The following DCC variants were observed in gnomAD, a reference collection of about 807,000 sequenced individuals.
DCC encodes the protein DCC netrin 1 receptor.
A neutral mutation model predicts 172.5 loss-of-function variants in DCC; 58 were observed. That is an observed-to-expected ratio of 0.34 (90% CI 0.27 to 0.42). DCC has a LOEUF of 0.42. Among genes scored for constraint, DCC ranks in the 10% least tolerant of loss-of-function variants. The pLI, the probability that DCC is intolerant of heterozygous loss-of-function variation, is 1.00. For missense variants in DCC, 1,740 were observed against 1,791.0 expected, an observed-to-expected ratio of 0.97 and a Z score of 0.51; for synonymous variants, 709 against 644.5, an observed-to-expected ratio of 1.10 and a Z score of -1.52.
intron 5 of DCC, among the ~76,000 whole-genome samples, chr18:52,998,071 T>C (rs1490755320): frequency 2.0e-5 from 3 of 151,982 alleles, no homozygotes; most frequent in Non-Finnish European, 4.4e-5. Context: ...GTAGCCGTTA[T>C]CTGCACATGG....
chr18:52,439,117 T>TAAACCAAAA (rs1271970532), intron 1 of DCC, among the ~76,000 whole-genome samples: 1 of 151,428 alleles, frequency 6.6e-6, no homozygotes, highest in Non-Finnish European at 1.5e-5. Context: ...TTTATGAAAG[T>TAAACCAAAA]GCAGCAGGAA....
chr18:52,520,994 T>A (rs1225438891), intron 1 of DCC, among the ~76,000 whole-genome samples: 1 of 152,174 alleles, frequency 6.6e-6, no homozygotes, highest in African/African-American at 2.4e-5. Context: ...TTAAGGGGAC[T>A]ATTGAAGAAA....
chr18:53,064,521 G>A (rs571840133), intron 6 of DCC, among the ~76,000 whole-genome samples: 2 of 152,182 alleles, frequency 1.3e-5, no homozygotes, highest in East Asian at 1.9e-4. Flanking sequence ...TCTCTCCATC[G>A]TATTACAATG....
intron 2 of DCC, among the ~76,000 whole-genome samples, chr18:52,764,438 T>C (rs2037212231): frequency 6.6e-6 from 1 of 152,334 alleles, no homozygotes; most frequent in Admixed American, 6.5e-5. Flanking sequence ...GGGAGGTGTT[T>C]GTGTTATGAC....
intron 1 of DCC, among the ~76,000 whole-genome samples, chr18:52,559,100 TTTTTGTTTTGTTTTG>T (rs375523084): frequency 6.6e-6 from 1 of 152,042 alleles, no homozygotes; most frequent in Non-Finnish European, 1.5e-5. Context: ...AAGACAGGTT[TTTTTGTTTTGTTTTG>T]TTTTGTTTTG....
intron 5 of DCC, among the ~76,000 whole-genome samples, chr18:53,023,871 T>C (rs2041919546): frequency 6.6e-6 from 1 of 152,170 alleles, no homozygotes; most frequent in Non-Finnish European, 1.5e-5. Flanking sequence ...CATGCTATCC[T>C]GCCTGCAGAT....
chr18:53,044,715 A>C (rs1196751045), intron 5 of DCC, among the ~76,000 whole-genome samples: 1 of 151,912 alleles, frequency 6.6e-6, no homozygotes, highest in Non-Finnish European at 1.5e-5. Context: ...ACAACTCCTT[A>C]AGTAACTCAT....
chr18:53,267,653 A>C (rs1352377654), intron 12 of DCC, among the ~76,000 whole-genome samples: 1 of 151,906 alleles, frequency 6.6e-6, no homozygotes, highest in East Asian at 1.9e-4. Flanking sequence ...TTTTGTACAG[A>C]CGGGGTCACA....
intron 1 of DCC, among the ~76,000 whole-genome samples, chr18:52,475,654 A>C (rs746547677): frequency 5.3e-5 from 8 of 152,162 alleles, no homozygotes; most frequent in Non-Finnish European, 1.0e-4. Context: ...GAAGTGATTG[A>C]TTCTCTGTCA....
chr18:53,303,581 C>T (rs1161431888), intron 12 of DCC, among the ~76,000 whole-genome samples: 6 of 152,188 alleles, frequency 3.9e-5, no homozygotes, highest in African/African-American at 9.6e-5. Context: ...ACTTGACCCC[C>T]CTTGCAGGAT....
At chr18:52,667,452 T>C (rs1039472938) in intron 1 of DCC, among the ~76,000 whole-genome samples, 5 of 152,248 alleles carry the variant, frequency 3.3e-5, no homozygotes, top group Admixed American at 1.3e-4. Flanking sequence ...CTTTGGCCTG[T>C]TGTAAGCCTG....
chr18:53,386,145 G>T lies in DCC; in HGVS notation c.2455+7G>T, dbSNP rs3764494. 1 of 1,554,928 alleles carries T rather than the reference G, an allele frequency of 6.4e-7. No individual in the cohort carries two copies. The highest frequency in any genetic ancestry group is 8.9e-7 in the Non-Finnish European group (1 of 1,126,322). On this transcript the variant is annotated splice_region_variant and intron_variant, in intron 16 of 28. Transcript: ENST00000442544. ...ACCACCAGGTCTATAACCGGTAAGT[G>T]AAATTGTTAATCTTCCTCTGACAAA...
At chr18:53,452,936 G>A (rs1433729363) in intron 23 of DCC, among the ~76,000 whole-genome samples, 9 of 146,184 alleles carry the variant, frequency 6.2e-5, no homozygotes, top group African/African-American at 2.3e-4. Flanking sequence ...TGTTTTTTGA[G>A]ATGGAGTCTC....
chr18:53,147,636 C>T, intron 7 of DCC, among the ~76,000 whole-genome samples: 1 of 152,188 alleles, frequency 6.6e-6, no homozygotes, highest in Non-Finnish European at 1.5e-5. Flanking sequence ...ACAGCCAGTA[C>T]ATTCTTGGCC....
intron 22 of DCC, among the ~76,000 whole-genome samples, chr18:53,450,153 ATACACACATACATATG>A (rs1220122191): frequency 6.6e-6 from 1 of 151,348 alleles, no homozygotes; most frequent in African/African-American, 2.4e-5. Flanking sequence ...ACACACACAC[ATACACACATACATATG>A]CATACATACA....
chr18:53,242,652 G>T (rs926713496), intron 12 of DCC, among the ~76,000 whole-genome samples: 5 of 152,070 alleles, frequency 3.3e-5, no homozygotes, highest in African/African-American at 1.2e-4. Flanking sequence ...GAAAGTAATA[G>T]GATACCACTG....
At chr18:52,349,549 G>A (rs964062721) in intron 1 of DCC, among the ~76,000 whole-genome samples, 1 of 152,136 alleles carries the variant, frequency 6.6e-6, no homozygotes, top group Non-Finnish European at 1.5e-5. Context: ...TCCAGGGATG[G>A]TTTGGTGACT....
intron 1 of DCC, among the ~76,000 whole-genome samples, chr18:52,652,575 AT>A (rs1432854570): frequency 6.6e-6 from 1 of 152,100 alleles, no homozygotes; most frequent in African/African-American, 2.4e-5. Context: ...CTCTGCCTGG[AT>A]TTCACACGGG....
intron 1 of DCC, among the ~76,000 whole-genome samples, chr18:52,619,055 A>C (rs1014553365): frequency 2.0e-5 from 3 of 152,248 alleles, no homozygotes; most frequent in African/African-American, 7.2e-5. Flanking sequence ...CTTGTGCCTC[A>C]GCCTCCTGAG....
Sources: gnomAD v4.1 joint callset for allele counts (sites outside exome capture counted in the v4.1 genomes callset) on GRCh38, gnomAD v4.1.1 for gene constraint, MANE v1.5 for transcripts, NCBI Gene and HGNC (gene_info 2026-07-23, HGNC 2026-07-21) for gene names.